EFNA5: variants seen among roughly 807,000 people sequenced by gnomAD.
EFNA5 encodes ephrin A5, also known as ephrin-A5.
A neutral mutation model predicts 22.9 loss-of-function variants in EFNA5; 5 were observed. The observed-to-expected ratio is 0.22, with a 90% confidence interval of 0.11 to 0.46. The LOEUF is 0.46. EFNA5 is among the 20% of genes least tolerant of loss of function. The pLI is 0.99. For synonymous variants in EFNA5, 113 were observed against 112.2 expected, an observed-to-expected ratio of 1.01 and a Z score of -0.04; for missense variants, 237 against 293.3, an observed-to-expected ratio of 0.81 and a Z score of 1.40.
intron 1 of EFNA5, among the ~76,000 whole-genome samples, chr5:107,638,419 G>A (rs1003968170): frequency 2.0e-4 from 30 of 152,138 alleles, no homozygotes. Context: ...AAGTTCAAGA[G>A]ATCTATTATA....
At chr5:107,570,066 C>T (rs914531016) in intron 1 of EFNA5, among the ~76,000 whole-genome samples, 3 of 152,108 alleles carry the variant, frequency 2.0e-5, no homozygotes, top group African/African-American at 7.2e-5. Flanking sequence ...TAAAAGCTGG[C>T]TGTATCTGTT....
chr5:107,481,249 C>A (rs1750451837), intron 1 of EFNA5, among the ~76,000 whole-genome samples: 1 of 152,146 alleles, frequency 6.6e-6, no homozygotes, highest in Admixed American at 6.5e-5. Flanking sequence ...GAGGCTACAA[C>A]ACTGAATACA....
intron 2 of EFNA5, among the ~76,000 whole-genome samples, chr5:107,397,009 A>G (rs972895132): frequency 6.6e-6 from 1 of 152,186 alleles, no homozygotes; most frequent in Admixed American, 6.5e-5. Context: ...AGAGGTGGCT[A>G]TAGATCCCGC....
At chr5:107,544,040 C>G (rs2112462555) in intron 1 of EFNA5, among the ~76,000 whole-genome samples, 1 of 152,272 alleles carries the variant, frequency 6.6e-6, no homozygotes, top group Non-Finnish European at 1.5e-5. Flanking sequence ...CAGGTGGGCC[C>G]TGGAGGGAAG....
intron 1 of EFNA5, among the ~76,000 whole-genome samples, chr5:107,462,620 G>A (rs1314796071): frequency 6.6e-6 from 1 of 152,086 alleles, no homozygotes; most frequent in Non-Finnish European, 1.5e-5. Flanking sequence ...CAATCTCCCA[G>A]AGACTTTGTG....
chr5:107,404,209 T>C (rs1404317906), intron 2 of EFNA5, among the ~76,000 whole-genome samples: 3 of 152,206 alleles, frequency 2.0e-5, no homozygotes, highest in Admixed American at 6.5e-5. Context: ...TTCTCATTAG[T>C]CTGGCATTTC....
intron 2 of EFNA5, among the ~76,000 whole-genome samples, chr5:107,407,942 C>T (rs461914): frequency 0.61 from 93,274 of 151,976 alleles, 29,516 homozygotes; most frequent in African/African-American, 0.69. Flanking sequence ...TGAAGGAAAA[C>T]GGGAGGCATT....
At chr5:107,657,380 G>C (rs112727653) in intron 1 of EFNA5, among the ~76,000 whole-genome samples, 4,096 of 152,120 alleles carry the variant, frequency 0.027, 81 homozygotes, top group Non-Finnish European at 0.041. Context: ...GGATCTATGA[G>C]AATCATAAAA....
At position 107,591,900 on chromosome 5, in the gene EFNA5, A is replaced by T. The variant is rs866763954; in HGVS notation, c.125+78589T>A. Among the ~76,000 whole-genome samples the T allele has an allele frequency of 9.9e-3, 25 of 2,518 alleles. 5 individuals are homozygous for T. Among genetic ancestry groups the T allele is most frequent in the African/African-American group, 0.083 (20 of 240 alleles). The allele number at this position is 2,518 out of a possible 152,430, so 1.7% of individuals were successfully genotyped here. ...ATATATAATATATATATTATATATAATATATAATATAAAAAATATATATAT... is the reference window on the plus strand; with the variant it reads ...ATATATAATATATATATTATATATATTATATAATATAAAAAATATATATAT... On this transcript the variant is annotated intron_variant, in intron 1 of 4. Coordinates refer to ENST00000333274, the MANE Select transcript of EFNA5 (RefSeq NM_001962.3).
chr5:107,572,201 G>T (rs2112487427), intron 1 of EFNA5, among the ~76,000 whole-genome samples: 1 of 151,932 alleles, frequency 6.6e-6, no homozygotes, highest in South Asian at 2.1e-4. Flanking sequence ...CCCCCTGCTG[G>T]CCGCGGTGCT....
chr5:107,501,966 A>G (rs924197863), intron 1 of EFNA5, among the ~76,000 whole-genome samples: 1 of 152,226 alleles, frequency 6.6e-6, no homozygotes, highest in Non-Finnish European at 1.5e-5. Context: ...TGATACAACT[A>G]TGAGCCCTCC....
chr5:107,637,232 G>GA lies in EFNA5; in HGVS notation c.125+33256dup, dbSNP rs774601232. Reference sequence around the variant, plus strand: ...AATTATAAGAGAAATCAAAAGTCCAGAAAAAACAAGAGTACAGCCATATCT... The same window carrying GA: ...AATTATAAGAGAAATCAAAAGTCCAGAAAAAAACAAGAGTACAGCCATATCT... On this transcript the variant is annotated intron_variant, in intron 1 of 4. Coordinates refer to ENST00000333274, the MANE Select transcript of EFNA5 (RefSeq NM_001962.3). 3.9e-5 allele frequency among the ~76,000 whole-genome samples: 6 copies of GA among 152,138 alleles called. No individual in the cohort carries two copies. In the South Asian group the frequency reaches 1.2e-3, roughly 31 times the overall value.
At chr5:107,445,023 T>C (rs1035239877) in intron 1 of EFNA5, among the ~76,000 whole-genome samples, 1 of 152,094 alleles carries the variant, frequency 6.6e-6, no homozygotes, top group Non-Finnish European at 1.5e-5. Flanking sequence ...AAGATTGCCA[T>C]TTAAAAAAAG....
intron 1 of EFNA5, among the ~76,000 whole-genome samples, chr5:107,667,457 C>A (rs1751101849): frequency 6.6e-6 from 1 of 152,004 alleles, no homozygotes; most frequent in Non-Finnish European, 1.5e-5. Context: ...AATGAAACTC[C>A]ATGTAGAAGA....
intron 1 of EFNA5, among the ~76,000 whole-genome samples, chr5:107,533,010 G>A (rs951814041): frequency 3.9e-5 from 6 of 152,076 alleles, no homozygotes; most frequent in South Asian, 2.1e-4. Flanking sequence ...AGCTAAAGAC[G>A]GAGCTCCTGA....
intron 2 of EFNA5, among the ~76,000 whole-genome samples, chr5:107,403,242 G>A (rs1159462646): frequency 2.0e-5 from 3 of 152,172 alleles, no homozygotes; most frequent in Non-Finnish European, 2.9e-5. Context: ...CACAACTTGT[G>A]ATCCCTTTGA....
rs143230556 is a variant in EFNA5 at position 107,618,211 on chromosome 5, G to A, written c.125+52278C>T. On this transcript the variant is annotated intron_variant, in intron 1 of 4. Transcript: ENST00000333274. ...TCCTCTGTTTCTTTTGAAAAAGTAA[G>A]GCCAAAGAAGAAATATTTGAGGCTT... 1.4e-3 allele frequency among the ~76,000 whole-genome samples: 215 copies of A among 152,174 alleles called. 4 individuals carry two copies. The East Asian group carries it at 0.036, about 25-fold the overall frequency.
At chr5:107,385,385 T>G (rs1052123153) in intron 4 of EFNA5, among the ~76,000 whole-genome samples, 1 of 152,094 alleles carries the variant, frequency 6.6e-6, no homozygotes, top group Non-Finnish European at 1.5e-5. Flanking sequence ...GCAGTGGAGA[T>G]TCCCTGGAAA....
intron 4 of EFNA5, among the ~76,000 whole-genome samples, chr5:107,382,853 T>C (rs1344082826): frequency 6.6e-6 from 1 of 152,188 alleles, no homozygotes. Context: ...TCAATTATAC[T>C]GACCTCAAAG....
Sources: allele counts gnomAD v4.1 joint callset (sites outside exome capture counted in the v4.1 genomes callset), GRCh38; gene constraint gnomAD v4.1.1; transcripts MANE v1.5; gene names NCBI Gene and HGNC (gene_info 2026-07-23, HGNC 2026-07-21).